The following SLC12A4 variants were observed in gnomAD, a reference collection of about 807,000 sequenced individuals.
The protein encoded by SLC12A4 is electroneutral potassium-chloride cotransporter 1.
SLC12A4 carries 84 observed loss-of-function variants against 119.2 expected under a neutral mutation model. The ratio of observed to expected loss-of-function variants is 0.70; its 90% CI spans 0.59 to 0.85. SLC12A4 has a LOEUF of 0.85. Ranked by LOEUF, SLC12A4 falls within the 40% of genes least tolerant of loss-of-function variation. The pLI, the probability that SLC12A4 is intolerant of heterozygous loss-of-function variation, is 0.00. For synonymous variants in SLC12A4, 599 were observed against 604.6 expected (o/e 0.99, Z 0.14); for missense variants, 1,298 against 1,476.3 (o/e 0.88, Z 1.98).
rs199786172 is a variant in SLC12A4 at position 67,957,823 on chromosome 16, G to A, written c.490-27C>T. 1.6e-5 allele frequency: 26 copies of A among 1,614,168 alleles called. No homozygotes were observed. In the East Asian group the frequency reaches 2.5e-4, roughly 15 times the overall value. On this transcript the variant is annotated intron_variant, in intron 4 of 23. Transcript: ENST00000316341. ...TGTGGGAAGGAGGGCCTGGGTGAGC[G>A]GCTCAGCTGGGTGGGCTCTGTGGGG...
chr16:67,964,717 T>C (rs866899358), intron 1 of SLC12A4, among the ~76,000 whole-genome samples: 3 of 152,162 alleles, frequency 2.0e-5, no homozygotes, highest in Admixed American at 6.5e-5. Context: ...AGTGGTGTGA[T>C]TGGGCCATGC....
At chr16:67,965,024 G>A (rs1386989845) in intron 1 of SLC12A4, among the ~76,000 whole-genome samples, 1 of 152,166 alleles carries the variant, frequency 6.6e-6, no homozygotes, top group Non-Finnish European at 1.5e-5. Flanking sequence ...CAGCAACCTG[G>A]ACTAGCTAAG....
At chr16:67,958,845 C>T (rs1265560463) in intron 3 of SLC12A4, among the ~76,000 whole-genome samples, 3 of 152,154 alleles carry the variant, frequency 2.0e-5, no homozygotes, top group Non-Finnish European at 4.4e-5. Context: ...TTACCTCTCT[C>T]GGGAAGATGT....
At chr16:67,963,680 T>C (rs903310611) in intron 1 of SLC12A4, 121 bp from the exon 2 acceptor site, 7 of 860,120 alleles carry the variant, frequency 8.1e-6, no homozygotes, top group Admixed American at 2.9e-5. Context: ...TGTCACCAGG[T>C]TGCAACTCAG....
intron 21 of SLC12A4, 42 bp from the exon 22 acceptor site, chr16:67,945,595 AGGGGGAT>A: frequency 6.3e-7 from 1 of 1,591,072 alleles, no homozygotes; most frequent in East Asian, 2.2e-5. Flanking sequence ...CCATAGGAAA[AGGGGGAT>A]GGGGCCTGTC....
Position 67,947,807 on chromosome 16 carries a change from C to A in SLC12A4, c.1848-19G>T. The A allele has an allele frequency of 6.4e-7, 1 of 1,572,590 alleles. No homozygotes were observed. Among genetic ancestry groups the A allele is most frequent in the Non-Finnish European group, 8.6e-7 (1 of 1,159,398 alleles). ...CAGCGCCCTGGACGAGAGGGGAGGG[C>A]AGAGTCAGGGCAGGACCAGGAGGAC... On this transcript the variant is annotated intron_variant, in intron 14 of 23. Transcript: ENST00000316341.
rs573253313 is a variant in SLC12A4 at position 67,961,447 on chromosome 16, C to G, written c.342+128G>C. 7 of 1,358,784 alleles carry G rather than the reference C, an allele frequency of 5.2e-6. No individual in the cohort carries two copies. In the South Asian group the frequency reaches 6.8e-5, roughly 13 times the overall value. 84.2% of individuals were successfully genotyped at this position (1,358,784 alleles called of 1,614,324 possible). A position where few individuals can be genotyped will look rare whatever the true frequency, so the allele number is the denominator to read the frequency against. ...TGAGACAAGGCATTCAGTGCCCATC[C>G]TCCCTGCTCACTATGCTTGGCACCC... On this transcript the variant is annotated intron_variant, in intron 3 of 23. Transcript: ENST00000316341.
chr16:67,950,733 C>G lies in SLC12A4; in HGVS notation c.1397-22G>C. On this transcript the variant is annotated intron_variant, in intron 10 of 23. Transcript: ENST00000316341. This position sits in a 1 kb window ranked among gnomAD's most constrained non-coding sequence, Gnocchi z 4.3. ...AAGTCTGCGGCGGCGTCAAGGAAAACTCGGCCTCTGCCACCCCACTGTCCC... is the reference window on the plus strand; with the variant it reads ...AAGTCTGCGGCGGCGTCAAGGAAAAGTCGGCCTCTGCCACCCCACTGTCCC... 6.3e-7 allele frequency: 1 copy of G among 1,594,236 alleles called. No individual in the cohort carries two copies. Among genetic ancestry groups the G allele is most frequent in the African/African-American group, 1.3e-5 (1 of 74,176 alleles).
Position 67,947,715 on chromosome 16 carries a change from C to T in SLC12A4, c.1921G>A (p.Ala641Thr). The change falls in exon 15 of 24, where the codon GCC becomes ACC. Residue 641 changes from alanine to threonine, a missense_variant. Physicochemically the swap from Ala to Thr is moderately conservative, Grantham distance 58. Transcript: ENST00000316341. ...TAGATCATGCCGGCGATGAGCATGG[C>T]CACCAGGGCATAGTACCAGGAGGAG... is the stretch of plus-strand genomic sequence containing the variant. The part of the protein sequence containing the change: ...FVSSWYYALV[A>T]MLIAGMIYKY... 6.3e-7 allele frequency: 1 copy of T among 1,598,982 alleles called. No homozygotes were observed. The highest frequency in any genetic ancestry group is 8.5e-7 in the Non-Finnish European group (1 of 1,173,092).
At position 67,943,802 on chromosome 16, in the gene SLC12A4, C is replaced by T. The variant is rs933239904; in HGVS notation, c.*1038G>A. 34 of 744,424 alleles carry T rather than the reference C, an allele frequency of 4.6e-5. No homozygotes were observed. The Admixed American group carries it at 5.7e-4, about 12-fold the overall frequency. The allele number at this position is 744,424 out of a possible 1,614,324, so 46.1% of individuals were successfully genotyped here. A position where few individuals can be genotyped will look rare whatever the true frequency, so the allele number is the denominator to read the frequency against. On this transcript the variant is annotated 3_prime_UTR_variant, in exon 24 of 24. Coordinates refer to ENST00000316341, the MANE Select transcript of SLC12A4 (RefSeq NM_005072.5). The surrounding 1 kb of genome is among the most constrained non-coding windows in gnomAD (Gnocchi z 4.6). ...GGACGTCATTCCTCTAAGGGACAAG[C>T]TTTTGGCCCCTCCCCACACCAGGGC...
rs755987037 is a variant in SLC12A4 at position 67,961,673 on chromosome 16, G to A, written c.244C>T (p.Leu82Phe). 1 of 1,614,216 alleles carries A rather than the reference G, an allele frequency of 6.2e-7. No homozygotes were observed. Among genetic ancestry groups the A allele is most frequent in the South Asian group, 1.1e-5 (1 of 91,090 alleles). The change falls in exon 3 of 24, where the codon CTT becomes TTT. Residue 82 changes from leucine to phenylalanine, a missense_variant. By Grantham distance (22) the Leu-to-Phe change is conservative. Coordinates refer to ENST00000316341, the MANE Select transcript of SLC12A4 (RefSeq NM_005072.5). ...GTGTAGCTGACGAGCTTTCCCAGAAGAGACGATACCTTTGGGCGGATGTCC... is the reference window on the plus strand; with the variant it reads ...GTGTAGCTGACGAGCTTTCCCAGAAAAGACGATACCTTTGGGCGGATGTCC... ...ELDIRPKVSS[L>F]LGKLVSYTNL... is the part of the protein sequence containing the mutation.
chr16:67,945,348 G>T (rs764737339), intron 22 of SLC12A4, 21 bp downstream of exon 22: 1 of 1,605,058 alleles, frequency 6.2e-7, no homozygotes, highest in Non-Finnish European at 8.5e-7. Flanking sequence ...GTGCCGCTGG[G>T]GCTGTTTTTG....
At chr16:67,962,599 T>G (rs2030640490) in intron 2 of SLC12A4, 1 of 152,250 alleles carries the variant, frequency 6.6e-6, no homozygotes, top group Non-Finnish European at 1.5e-5. Context: ...TCCAGCACTT[T>G]GAGAGGCTGA....
rs761257067 is a variant in SLC12A4, at chr16:67,961,577, C to T, written c.340G>A (p.Glu114Lys). The change falls in exon 3 of 24, where the codon GAG becomes AAG. Residue 114 changes from glutamate to lysine, a missense_variant and splice_region_variant. Coordinates refer to ENST00000316341, the MANE Select transcript of SLC12A4 (RefSeq NM_005072.5). ...SGEGTRRRAA[E>K]APSMGTLMGV... ...CTCTGCCGCCCCAACCAGCTCACCT[C>T]GGCTGCCCTCCGGCGGGTGCCCTCC... 1.1e-5 allele frequency: 18 copies of T among 1,612,844 alleles called. No individual in the cohort carries two copies. The highest frequency in any genetic ancestry group is 3.3e-5 in the South Asian group (3 of 91,074).
In SLC12A4 at chr16:67,952,432, CAAG is replaced by C. The variant is rs764308881; in HGVS notation, c.676-10_676-8del. 6.8e-6 allele frequency: 11 copies of C among 1,613,338 alleles called. No individual in the cohort carries two copies. Among genetic ancestry groups the C allele is most frequent in the Admixed American group, 5.0e-5 (3 of 60,014 alleles). ...CTGGTGGGGCAATGTAGGTCTGAAA[CAAG>C]AAGATGGATAAGGAGGGTTTTATTT... On this transcript the variant is annotated splice_polypyrimidine_tract_variant and splice_region_variant and intron_variant, in intron 6 of 23. Coordinates refer to ENST00000316341, the MANE Select transcript of SLC12A4 (RefSeq NM_005072.5).
At chr16:67,957,827 C>G (rs556219260) in intron 4 of SLC12A4, 31 bp from the exon 5 acceptor site, 2 of 1,614,154 alleles carry the variant, frequency 1.2e-6, no homozygotes, top group African/African-American at 2.7e-5. Context: ...GTGAGCGGCT[C>G]AGCTGGGTGG....
chr16:67,967,016 G>T, intron 1 of SLC12A4: 1 of 806,168 alleles, frequency 1.2e-6, no homozygotes, highest in Non-Finnish European at 1.8e-6. Context: ...CTACCCTCTG[G>T]GGAGAGAGGT....
In SLC12A4 at chr16:67,946,512, T is replaced by G. The variant is rs375867419; in HGVS notation, c.2363A>C (p.His788Pro). Residue 788 changes from histidine (H) to proline (P), a missense_variant, in exon 18 of 24, where the codon CAT (histidine) becomes CCT (proline). Coordinates refer to ENST00000316341, the MANE Select transcript of SLC12A4 (RefSeq NM_005072.5). ...IQSCGLGGMRHNSVVLGWPYG... is the reference protein window; with the variant it reads ...IQSCGLGGMRPNSVVLGWPYG... ...GGGCCAGCCCAGCACCACGGAGTTA[T>G]GCCGCATGCCTCCCAGGCCACAGGA... 87 of 1,610,056 alleles carry G rather than the reference T, an allele frequency of 5.4e-5. 1 individual carries two copies. The highest frequency in any genetic ancestry group is 8.8e-5 in the South Asian group (8 of 91,088).
At chr16:67,948,274 A>C in intron 13 of SLC12A4, 115 bp from the exon 14 acceptor site, 1 of 896,290 alleles carries the variant, frequency 1.1e-6, no homozygotes, top group Non-Finnish European at 1.8e-6. Context: ...TGCATGGCTC[A>C]GCAAGGTCTT....
Sources: allele counts gnomAD v4.1 joint callset (sites outside exome capture counted in the v4.1 genomes callset), GRCh38; gene constraint gnomAD v4.1.1; non-coding constraint Gnocchi (gnomAD v3.1); transcripts MANE v1.5; gene names NCBI Gene and HGNC (gene_info 2026-07-23, HGNC 2026-07-21).